Variants in GRIN2A observed in about 807,000 individuals in gnomAD.
GRIN2A encodes glutamate receptor ionotropic, NMDA 2A.
A neutral mutation model predicts 113.4 loss-of-function variants in GRIN2A; 22 were observed. The ratio of observed to expected loss-of-function variants is 0.19; its 90% CI spans 0.14 to 0.28. GRIN2A has a LOEUF of 0.28. GRIN2A is among the 10% of genes least tolerant of loss of function. GRIN2A has a pLI of 1.00. For missense variants in GRIN2A, 1,502 were observed against 1,887.0 expected (o/e 0.80, Z 3.78); for synonymous variants, 827 against 738.4 (o/e 1.12, Z -1.94).
intron 2 of GRIN2A, among the ~76,000 whole-genome samples, chr16:10,102,342 C>T (rs544298342): frequency 2.6e-4 from 39 of 152,244 alleles, no homozygotes; most frequent in African/African-American, 9.4e-4. Flanking sequence ...CCCTTTCTCT[C>T]TTGCTCTGTC....
intron 10 of GRIN2A, among the ~76,000 whole-genome samples, chr16:9,801,591 C>G (rs1198799626): frequency 2.0e-5 from 3 of 152,196 alleles, no homozygotes; most frequent in Non-Finnish European, 4.4e-5. Context: ...CATGACAGGT[C>G]TTTTTGAGCT....
chr16:9,874,964 T>C (rs2043335369), intron 4 of GRIN2A, among the ~76,000 whole-genome samples: 1 of 151,760 alleles, frequency 6.6e-6, no homozygotes, highest in African/African-American at 2.4e-5. Context: ...GGCACACACC[T>C]GTAGTCCCAG....
In GRIN2A at chr16:9,910,782, C is replaced by T. The variant is rs570130032; in HGVS notation, c.1008-19682G>A. Among the ~76,000 whole-genome samples the T allele has an allele frequency of 3.3e-5, 5 of 152,230 alleles. No individual in the cohort carries two copies. The South Asian group carries it at 1.0e-3, about 32-fold the overall frequency. ...CAAACTCCTGACCTCAGACCATCTG[C>T]CTGCCTTGGCCTCCCAAAGTGCTGG... On this transcript the variant is annotated intron_variant, in intron 3 of 12. Coordinates refer to ENST00000330684, the MANE Select transcript of GRIN2A (RefSeq NM_001134407.3).
At chr16:9,798,566 T>G (rs1425756460) in intron 10 of GRIN2A, 102 bp from the exon 11 acceptor site, 3 of 818,596 alleles carry the variant, frequency 3.7e-6, no homozygotes, top group Non-Finnish European at 6.2e-6. Flanking sequence ...CTTTCTTTCA[T>G]GCTGGTGATG....
chr16:10,095,402 G>A, intron 2 of GRIN2A, among the ~76,000 whole-genome samples: 1 of 152,252 alleles, frequency 6.6e-6, no homozygotes, highest in South Asian at 2.1e-4. Context: ...AATAACGACA[G>A]TAATGGATTA....
intron 2 of GRIN2A, among the ~76,000 whole-genome samples, chr16:10,064,254 G>A (rs570553590): frequency 6.6e-6 from 1 of 152,240 alleles, no homozygotes; most frequent in South Asian, 2.1e-4. Flanking sequence ...ACAGCAACAT[G>A]CAGGGGCCCT....
At chr16:10,179,559 T>A (rs560342201) in intron 2 of GRIN2A, 6 of 198,208 alleles carry the variant, frequency 3.0e-5, no homozygotes, top group Non-Finnish European at 6.3e-5. Context: ...TTTAGTCACT[T>A]ACCATAAGAG....
chr16:10,159,292 A>C (rs575775888), intron 2 of GRIN2A, among the ~76,000 whole-genome samples: 1 of 152,310 alleles, frequency 6.6e-6, no homozygotes, highest in African/African-American at 2.4e-5. Context: ...CAGAATAAGC[A>C]TGAATCAAAG....
At chr16:9,798,533 C>A (rs1903146005) in intron 10 of GRIN2A, 69 bp from the exon 11 acceptor site, 2 of 1,180,250 alleles carry the variant, frequency 1.7e-6, no homozygotes, top group Non-Finnish European at 2.5e-6. Flanking sequence ...GCTCCTGAGG[C>A]CTGATCCTGA....
chr16:10,051,000 T>C (rs1388217948), intron 2 of GRIN2A, among the ~76,000 whole-genome samples: 1 of 152,206 alleles, frequency 6.6e-6, no homozygotes, highest in Non-Finnish European at 1.5e-5. Context: ...AAGAGACCCA[T>C]TATTCAGATG....
chr16:10,097,963 G>C (rs2142099923), intron 2 of GRIN2A, among the ~76,000 whole-genome samples: 1 of 152,266 alleles, frequency 6.6e-6, no homozygotes, highest in African/African-American at 2.4e-5. Flanking sequence ...AAACTAAAGA[G>C]CTTCTGCACA....
At chr16:9,936,869 G>A (rs1347516385) in intron 3 of GRIN2A, among the ~76,000 whole-genome samples, 1 of 152,190 alleles carries the variant, frequency 6.6e-6, no homozygotes, top group African/African-American at 2.4e-5. Context: ...GGGAAACTGG[G>A]TAGTTTCACA....
chr16:9,819,485 G>C (rs1185737109), intron 10 of GRIN2A, among the ~76,000 whole-genome samples: 1 of 149,302 alleles, frequency 6.7e-6, no homozygotes, highest in East Asian at 2.0e-4. Context: ...TTACACTACT[G>C]TACTCCAACC....
rs541923082 is a variant in GRIN2A at position 9,970,057 on chromosome 16, C to A, written c.415-31506G>T. Among the ~76,000 whole-genome samples, 188 of 152,322 alleles carry A rather than the reference C, an allele frequency of 1.2e-3. 1 individual carries two copies. The highest frequency in any genetic ancestry group is 4.1e-3 in the African/African-American group (171 of 41,570). On this transcript the variant is annotated intron_variant, in intron 2 of 12. Transcript: ENST00000330684. ...AGAATCACACTCTAGGTAGAGCCAA[C>A]CTTGACGTCAAAGAAATCTCGAGTT...
intron 2 of GRIN2A, among the ~76,000 whole-genome samples, chr16:10,015,605 A>G (rs1160997777): frequency 1.3e-5 from 2 of 152,250 alleles, no homozygotes; most frequent in Non-Finnish European, 2.9e-5. Flanking sequence ...GGCAGTTTGC[A>G]CTAGATTCAT....
intron 2 of GRIN2A, among the ~76,000 whole-genome samples, chr16:10,082,261 T>G (rs1050433746): frequency 3.2e-4 from 49 of 152,328 alleles, no homozygotes; most frequent in African/African-American, 1.2e-3. Flanking sequence ...AGGAAGAATA[T>G]TTGATTTGGA....
intron 3 of GRIN2A, among the ~76,000 whole-genome samples, chr16:9,922,979 A>T (rs1389188060): frequency 6.6e-6 from 1 of 152,174 alleles, no homozygotes; most frequent in Non-Finnish European, 1.5e-5. Context: ...GGAGTGTTCC[A>T]CAAGCAAATA....
intron 2 of GRIN2A, among the ~76,000 whole-genome samples, chr16:9,990,884 T>C (rs1482784574): frequency 2.6e-5 from 4 of 152,076 alleles, no homozygotes; most frequent in Admixed American, 6.5e-5. Flanking sequence ...CTGGCCAACA[T>C]GGTGAAACCT....
At chr16:10,008,308 G>C (rs2046440792) in intron 2 of GRIN2A, among the ~76,000 whole-genome samples, 1 of 152,204 alleles carries the variant, frequency 6.6e-6, no homozygotes, top group Non-Finnish European at 1.5e-5. Flanking sequence ...TAATTTGGTT[G>C]TGTCATGCTG....
Sources: gnomAD v4.1 joint callset for allele counts (sites outside exome capture counted in the v4.1 genomes callset) on GRCh38, gnomAD v4.1.1 for gene constraint, MANE v1.5 for transcripts, NCBI Gene and HGNC (gene_info 2026-07-23, HGNC 2026-07-21) for gene names.